The following ZNF804A variants were observed in gnomAD, a reference collection of about 807,000 sequenced individuals.
ZNF804A encodes the protein zinc finger protein 804A.
Under a neutral mutation model 16.5 loss-of-function variants are expected in ZNF804A, and 2 were observed. The observed-to-expected ratio is 0.12, with a 90% CI of 0.05 to 0.38. The LOEUF is 0.38. Ranked by LOEUF, ZNF804A falls within the 10% of genes least tolerant of loss-of-function variation. The pLI is 0.99. For synonymous variants in ZNF804A, 534 were observed against 489.6 expected (o/e 1.09, Z -1.20); for missense variants, 1,473 against 1,390.7 (o/e 1.06, Z -0.94).
At chr2:184,687,812 G>A (rs748021503) in intron 1 of ZNF804A, among the ~76,000 whole-genome samples, 1 of 152,084 alleles carries the variant, frequency 6.6e-6, no homozygotes, top group Non-Finnish European at 1.5e-5. Context: ...AATTTAGACA[G>A]GCCAAATGTG....
intron 1 of ZNF804A, among the ~76,000 whole-genome samples, chr2:184,788,515 T>A (rs993272480): frequency 2.0e-5 from 3 of 152,050 alleles, no homozygotes; most frequent in Non-Finnish European, 2.9e-5. Flanking sequence ...GTTTCTTTCA[T>A]CAGTGTTTTG....
intron 1 of ZNF804A, among the ~76,000 whole-genome samples, chr2:184,614,362 G>A (rs1691286744): frequency 6.6e-6 from 1 of 152,104 alleles, no homozygotes. Flanking sequence ...TACCATTCAG[G>A]ACATAGGTAT....
At chr2:184,928,221 C>T (rs561068605) in intron 2 of ZNF804A, among the ~76,000 whole-genome samples, 1 of 152,220 alleles carries the variant, frequency 6.6e-6, no homozygotes, top group East Asian at 1.9e-4. Context: ...CTAGGTCCTT[C>T]CCTTCAAGAC....
chr2:184,643,429 G>T (rs1691824484), intron 1 of ZNF804A, among the ~76,000 whole-genome samples: 1 of 151,780 alleles, frequency 6.6e-6, no homozygotes, highest in African/African-American at 2.4e-5. Flanking sequence ...TGATAAATTT[G>T]CTTTGAAAAA....
At chr2:184,897,704 C>T (rs1442605613) in intron 2 of ZNF804A, among the ~76,000 whole-genome samples, 1 of 152,084 alleles carries the variant, frequency 6.6e-6, no homozygotes, top group Non-Finnish European at 1.5e-5. Context: ...TCTAATACTA[C>T]CATATTTTCT....
chr2:184,726,575 T>G (rs75897235), intron 1 of ZNF804A, among the ~76,000 whole-genome samples: 6,288 of 151,622 alleles, frequency 0.041, 429 homozygotes, highest in African/African-American at 0.14. Flanking sequence ...GCATTTCAAA[T>G]TGTCATGAGA....
chr2:184,933,879 A>AC, intron 3 of ZNF804A, 146 bp downstream of exon 3: 1 of 750,804 alleles, frequency 1.3e-6, no homozygotes, highest in South Asian at 3.2e-5. Context: ...TAGGCTGTAA[A>AC]CAGTAATTTG....
At chr2:184,731,008 C>T (rs939171304) in intron 1 of ZNF804A, among the ~76,000 whole-genome samples, 9 of 151,634 alleles carry the variant, frequency 5.9e-5, no homozygotes, top group African/African-American at 2.2e-4. Context: ...TTTGAGAGGA[C>T]GAGGTGGGTG....
intron 1 of ZNF804A, among the ~76,000 whole-genome samples, chr2:184,662,455 G>A (rs1692189656): frequency 6.6e-6 from 1 of 152,174 alleles, no homozygotes; most frequent in East Asian, 1.9e-4. Context: ...TGTCCATTGA[G>A]ATAACTCATT....
intron 1 of ZNF804A, among the ~76,000 whole-genome samples, chr2:184,837,562 G>A (rs757769795): frequency 3.9e-5 from 6 of 151,970 alleles, no homozygotes; most frequent in Non-Finnish European, 8.8e-5. Flanking sequence ...CATAATTGCA[G>A]CAGTGATTTT....
intron 1 of ZNF804A, among the ~76,000 whole-genome samples, chr2:184,612,633 C>G (rs1457000378): frequency 1.3e-5 from 2 of 152,032 alleles, no homozygotes; most frequent in African/African-American, 4.8e-5. Context: ...CAGGGTTTCT[C>G]TATGTTGGTC....
intron 1 of ZNF804A, among the ~76,000 whole-genome samples, chr2:184,813,641 T>A (rs761681525): frequency 6.6e-6 from 1 of 152,076 alleles, no homozygotes; most frequent in Non-Finnish European, 1.5e-5. Flanking sequence ...AATGAAAGTA[T>A]GCAGTTTTAC....
intron 2 of ZNF804A, among the ~76,000 whole-genome samples, chr2:184,900,403 C>T (rs1302792678): frequency 1.3e-5 from 2 of 152,082 alleles, no homozygotes; most frequent in East Asian, 3.8e-4. Context: ...GAGGCTAATT[C>T]GCTTAAATCA....
intron 1 of ZNF804A, among the ~76,000 whole-genome samples, chr2:184,853,477 T>C (rs1695636369): frequency 6.6e-6 from 1 of 151,936 alleles, no homozygotes; most frequent in East Asian, 1.9e-4. Flanking sequence ...TTTTTTCTGA[T>C]ATCAGAGGAA....
At chr2:184,858,643 T>A (rs1351273003) in intron 1 of ZNF804A, among the ~76,000 whole-genome samples, 1 of 152,160 alleles carries the variant, frequency 6.6e-6, no homozygotes, top group African/African-American at 2.4e-5. Flanking sequence ...AACTAATTAT[T>A]GTAATGATAA....
rs1469571302 is a variant in ZNF804A, at chr2:184,765,606, C to A, written c.112-100763C>A. Among the ~76,000 whole-genome samples the A allele has an allele frequency of 4.5e-5, 5 of 110,418 alleles. No individual in the cohort carries two copies. The East Asian group carries it at 1.2e-3, about 27-fold the overall frequency. The allele number at this position is 110,418 out of a possible 152,430, so 72.4% of individuals were successfully genotyped here. ...ATCAATCACTACCCCCTCACATGCACCCCCCCCCCTTAGAGTCGTGAGCCC... is the reference window on the plus strand; with the variant it reads ...ATCAATCACTACCCCCTCACATGCAACCCCCCCCCTTAGAGTCGTGAGCCC... On this transcript the variant is annotated intron_variant, in intron 1 of 3. Transcript: ENST00000302277.
Position 184,800,088 on chromosome 2 carries a change from CTT to C in ZNF804A, c.112-66280_112-66279del, listed in dbSNP as rs557612664. On this transcript the variant is annotated intron_variant, in intron 1 of 3. Coordinates refer to ENST00000302277, the MANE Select transcript of ZNF804A (RefSeq NM_194250.2). ...GGGCATAGAAATATTCATAATATCA[CTT>C]ATTATCTTGTTAAAAGTGATGTGAT... is the stretch of plus-strand genomic sequence containing the variant. Among the ~76,000 whole-genome samples the C allele has an allele frequency of 3.4e-3, 518 of 152,060 alleles. 2 individuals are homozygous for C. Among genetic ancestry groups the C allele is most frequent in the African/African-American group, 0.012 (488 of 41,496 alleles).
At chr2:184,814,930 T>C (rs568987410) in intron 1 of ZNF804A, among the ~76,000 whole-genome samples, 3 of 152,050 alleles carry the variant, frequency 2.0e-5, no homozygotes, top group Non-Finnish European at 4.4e-5. Context: ...GTAGCCCTTG[T>C]CTACATCACA....
intron 1 of ZNF804A, among the ~76,000 whole-genome samples, chr2:184,792,236 A>G (rs1694555837): frequency 6.6e-6 from 1 of 152,174 alleles, no homozygotes; most frequent in East Asian, 1.9e-4. Context: ...GTAAGAAACC[A>G]CTGAACTGTT....
Sources: allele counts gnomAD v4.1 joint callset (sites outside exome capture counted in the v4.1 genomes callset), GRCh38; gene constraint gnomAD v4.1.1; transcripts MANE v1.5; gene names NCBI Gene and HGNC (gene_info 2026-07-23, HGNC 2026-07-21).